Variants in NTRK3 observed in about 807,000 individuals in gnomAD.
NTRK3 encodes the protein NT-3 growth factor receptor.
Under a neutral mutation model 91.7 loss-of-function variants are expected in NTRK3, and 24 were observed. That is an observed-to-expected ratio of 0.26 (90% CI 0.19 to 0.37). The LOEUF (loss-of-function observed/expected upper bound fraction) is 0.37, where lower values mean the gene tolerates loss of function less well. Among genes scored for constraint, NTRK3 ranks in the 10% least tolerant of loss-of-function variants. NTRK3 has a pLI of 1.00. For missense variants in NTRK3, 880 were observed against 1,068.9 expected (o/e 0.82, Z 2.46); for synonymous variants, 483 against 404.0 (o/e 1.20, Z -2.34).
intron 3 of NTRK3, among the ~76,000 whole-genome samples, chr15:88,202,110 C>T (rs1204354674): frequency 6.6e-6 from 1 of 152,166 alleles, no homozygotes; most frequent in Admixed American, 6.5e-5. Flanking sequence ...CTGTTAATAG[C>T]CATTCTCCAG....
chr15:88,192,201 T>C (rs1457730250), intron 3 of NTRK3, among the ~76,000 whole-genome samples: 2 of 152,210 alleles, frequency 1.3e-5, no homozygotes, highest in Non-Finnish European at 2.9e-5. Context: ...AAAGATGCTG[T>C]GTCTCCTAAC....
intron 14 of NTRK3, among the ~76,000 whole-genome samples, chr15:87,966,379 G>A (rs2072797448): frequency 1.3e-5 from 2 of 152,232 alleles, no homozygotes; most frequent in Admixed American, 1.3e-4. Context: ...GTGACTTCCG[G>A]TGTCTCTGGT....
chr15:88,173,657 G>A (rs1204406514), intron 5 of NTRK3, among the ~76,000 whole-genome samples: 1 of 152,206 alleles, frequency 6.6e-6, no homozygotes, highest in Non-Finnish European at 1.5e-5. Flanking sequence ...TCCCTTCGTG[G>A]TCTCCCATGG....
intron 17 of NTRK3, among the ~76,000 whole-genome samples, chr15:87,890,570 TACACACAC>T (rs58806302): frequency 0.048 from 7,110 of 147,452 alleles, 169 homozygotes; most frequent in Middle Eastern, 0.072. Context: ...GCTTGTTCTT[TACACACAC>T]ACACACACAC....
At chr15:88,030,200 C>T (rs2078397524) in intron 14 of NTRK3, among the ~76,000 whole-genome samples, 1 of 152,192 alleles carries the variant, frequency 6.6e-6, no homozygotes, top group African/African-American at 2.4e-5. Flanking sequence ...TGCTGCCTTC[C>T]CATTTTCACC....
intron 14 of NTRK3, among the ~76,000 whole-genome samples, chr15:87,960,884 C>T (rs189289312): frequency 1.5e-3 from 229 of 152,250 alleles, no homozygotes; most frequent in African/African-American, 5.3e-3. Context: ...GTCTAAGCGG[C>T]GTGCCATATC....
intron 17 of NTRK3, among the ~76,000 whole-genome samples, chr15:87,921,347 G>A (rs2067853275): frequency 6.6e-6 from 1 of 152,172 alleles, no homozygotes; most frequent in Admixed American, 6.6e-5. Flanking sequence ...TGGTGCCTGG[G>A]TCTACTTAGG....
rs983388743 is a variant in NTRK3 at position 88,223,017 on chromosome 15, G to A, written c.248+32889C>T. On this transcript the variant is annotated intron_variant, in intron 3 of 18. Coordinates refer to ENST00000394480, the Ensembl canonical transcript of NTRK3. ...CAAGAAGTGGGGAGAGGAGGGAGAG[G>A]AAGGAGATGGGGCGATGGGGCTGGC... Among the ~76,000 whole-genome samples the A allele has an allele frequency of 2.6e-5, 4 of 152,286 alleles. 1 individual carries two copies. Among genetic ancestry groups the A allele is most frequent in the Admixed American group, 2.6e-4 (4 of 15,310 alleles).
At chr15:88,041,372 G>A (rs1213967823) in intron 13 of NTRK3, among the ~76,000 whole-genome samples, 1 of 152,172 alleles carries the variant, frequency 6.6e-6, no homozygotes, top group African/African-American at 2.4e-5. Context: ...TGGGAGCTGT[G>A]GTAAGCATGA....
At chr15:88,225,066 C>T (rs1372536879) in intron 3 of NTRK3, among the ~76,000 whole-genome samples, 6 of 152,144 alleles carry the variant, frequency 3.9e-5, no homozygotes, top group Non-Finnish European at 8.8e-5. Context: ...CAGCCACTAC[C>T]AAGAGGTTGC....
intron 13 of NTRK3, among the ~76,000 whole-genome samples, chr15:88,113,030 G>A (rs1375526021): frequency 6.6e-6 from 1 of 152,174 alleles, no homozygotes; most frequent in Non-Finnish European, 1.5e-5. Flanking sequence ...CTTTCCCAAA[G>A]ACCAGAAAGT....
At chr15:87,991,729 C>G (rs1031010641) in intron 14 of NTRK3, among the ~76,000 whole-genome samples, 9 of 152,146 alleles carry the variant, frequency 5.9e-5, no homozygotes, top group Non-Finnish European at 1.3e-4. Context: ...TATCAAACAC[C>G]TGATTTCAAT....
chr15:88,227,336 T>C (rs949567110), intron 3 of NTRK3, among the ~76,000 whole-genome samples: 4 of 152,152 alleles, frequency 2.6e-5, no homozygotes, highest in African/African-American at 9.7e-5. Flanking sequence ...TAAAATTCAT[T>C]TGTTGAAGTC....
intron 17 of NTRK3, among the ~76,000 whole-genome samples, chr15:87,915,823 GT>G (rs369369075): frequency 2.3e-4 from 34 of 150,478 alleles, no homozygotes; most frequent in African/African-American, 7.6e-4. Context: ...AGAAGAAATT[GT>G]TTTTTTTTCA....
intron 5 of NTRK3, among the ~76,000 whole-genome samples, chr15:88,153,308 T>C (rs1237006120): frequency 6.6e-6 from 1 of 152,144 alleles, no homozygotes; most frequent in Non-Finnish European, 1.5e-5. Flanking sequence ...AATGGCATGA[T>C]CTCGACTCAC....
At chr15:87,927,742 G>GCAGACTTTTAC (rs1199190804) in intron 17 of NTRK3, 2 of 152,170 alleles carry the variant, frequency 1.3e-5, no homozygotes, top group Non-Finnish European at 2.9e-5. Flanking sequence ...AAATGAGGAA[G>GCAGACTTTTAC]CAGACCTTTA....
chr15:88,206,659 A>G (rs1220513608), intron 3 of NTRK3, among the ~76,000 whole-genome samples: 1,407 of 105,920 alleles, frequency 0.013, 23 homozygotes, highest in African/African-American at 0.046. Flanking sequence ...CTCCGTCTCG[A>G]AAAAAAAAAA....
intron 13 of NTRK3, among the ~76,000 whole-genome samples, chr15:88,066,108 G>A (rs1300777341): frequency 7.9e-5 from 12 of 152,194 alleles, no homozygotes; most frequent in Non-Finnish European, 1.0e-4. Flanking sequence ...AGAGATAACT[G>A]TAGCTTGGCT....
At chr15:88,107,081 G>C (rs751635909) in intron 13 of NTRK3, among the ~76,000 whole-genome samples, 6 of 151,968 alleles carry the variant, frequency 3.9e-5, no homozygotes, top group Non-Finnish European at 7.4e-5. Context: ...TGAATAATAA[G>C]ATTACCACTA....
Sources: allele counts gnomAD v4.1 joint callset (sites outside exome capture counted in the v4.1 genomes callset), GRCh38; gene constraint gnomAD v4.1.1; transcripts MANE v1.5; gene names NCBI Gene and HGNC (gene_info 2026-07-23, HGNC 2026-07-21).